Variants in POLA1 observed in about 807,000 individuals in gnomAD.
POLA1 encodes DNA polymerase alpha 1, catalytic subunit, also known as DNA polymerase alpha catalytic subunit.
A neutral mutation model predicts 124.0 loss-of-function variants in POLA1; 15 were observed. The ratio of observed to expected loss-of-function variants is 0.12; its 90% confidence interval spans 0.08 to 0.19. The LOEUF (loss-of-function observed/expected upper bound fraction) is 0.19, where lower values mean the gene tolerates loss of function less well. Among genes scored for constraint, POLA1 ranks in the 10% least tolerant of loss-of-function variants. The probability of loss-of-function intolerance (pLI) is 1.00; values close to 1 mark genes in which losing one functional copy is unlikely to be tolerated. For missense variants in POLA1, 886 were observed against 1,103.4 expected (o/e 0.80, Z 2.79); for synonymous variants, 408 against 389.4 (o/e 1.05, Z -0.56).
intron 35 of POLA1, among the ~76,000 whole-genome samples, chrX:24,909,589 G>A (rs12393582): frequency 0.41 from 44,620 of 107,922 alleles, 7,978 homozygotes; most frequent in Non-Finnish European, 0.53. Flanking sequence ...TGTTCCATTG[G>A]TCTATATCTC....
chrX:24,767,088 C>A (rs1306659496), intron 26 of POLA1, among the ~76,000 whole-genome samples: 1 of 111,511 alleles, frequency 9.0e-6, no homozygotes, highest in African/African-American at 3.3e-5. Context: ...TTCACGGGAA[C>A]AAACGGATTT....
At position 24,727,785 on chromosome X, in the gene POLA1, T is replaced by G; in HGVS notation, c.1535T>G (p.Leu512Arg). The G allele has an allele frequency of 1.7e-6, 2 of 1,205,542 alleles. No individual in the cohort carries two copies. Among genetic ancestry groups the G allele is most frequent in the African/African-American group, 3.5e-5 (2 of 57,837 alleles). The change falls in exon 15 of 37, where the codon CTC (leucine) becomes CGC (arginine). Residue 512 changes from leucine (L) to arginine (R), a missense_variant. Leu to Arg is a moderately radical substitution (Grantham distance 102). Around this residue, in one of 7 missense-constraint regions of POLA1, gnomAD observed 337 missense variants for 402.8 expected, o/e 0.84. Transcript: ENST00000379068. ...TGTTGTATCTATTCTCTTTCAGAGC[T>G]CTTGAATCAGCCAGTCAGTTGGTGT... ...PCWLEVKSPQLLNQPVSWCKV... is the reference protein window; with the variant it reads ...PCWLEVKSPQRLNQPVSWCKV...
intron 36 of POLA1, among the ~76,000 whole-genome samples, chrX:24,989,965 G>A (rs369464322): frequency 3.0e-4 from 34 of 111,897 alleles, no homozygotes; most frequent in African/African-American, 1.0e-3. Context: ...CCAGAACAGA[G>A]TTCTGGCAGT....
intron 4 of POLA1, among the ~76,000 whole-genome samples, chrX:24,710,956 G>A (rs1307186278): frequency 2.7e-5 from 3 of 110,799 alleles, no homozygotes; most frequent in Non-Finnish European, 3.8e-5. Context: ...GAGCCACCGC[G>A]CTGGCATGTA....
chrX:24,966,715 T>A (rs1330252132), intron 36 of POLA1, among the ~76,000 whole-genome samples: 2 of 111,783 alleles, frequency 1.8e-5, no homozygotes, highest in African/African-American at 6.5e-5. Flanking sequence ...TAAAGGATGG[T>A]CTCCAAAAAG....
chrX:24,943,840 A>G (rs1369908606), intron 36 of POLA1, among the ~76,000 whole-genome samples: 1 of 112,284 alleles, frequency 8.9e-6, no homozygotes, highest in African/African-American at 3.2e-5. Flanking sequence ...AGGTTCTGCT[A>G]TTCCTTGTTG....
intron 36 of POLA1, among the ~76,000 whole-genome samples, chrX:24,988,333 A>C (rs1459735934): frequency 8.9e-6 from 1 of 112,752 alleles, no homozygotes; most frequent in Non-Finnish European, 1.9e-5. Context: ...CTAATCCGTC[A>C]GCCTGTGCAT....
chrX:24,816,173 G>T (rs763847501), intron 30 of POLA1, among the ~76,000 whole-genome samples: 2 of 112,164 alleles, frequency 1.8e-5, no homozygotes, highest in Non-Finnish European at 3.8e-5. Flanking sequence ...TGAGTCAAAA[G>T]ATGTGAATAT....
intron 36 of POLA1, among the ~76,000 whole-genome samples, chrX:24,942,462 G>A (rs2047918054): frequency 8.9e-6 from 1 of 111,981 alleles, no homozygotes; most frequent in Non-Finnish European, 1.9e-5. Flanking sequence ...GATTTCCTGA[G>A]TTGGGCCTTA....
chrX:24,720,763 C>T (rs1436600513), intron 10 of POLA1, among the ~76,000 whole-genome samples: 2 of 112,470 alleles, frequency 1.8e-5, no homozygotes, highest in Non-Finnish European at 3.8e-5. Context: ...GTAAACAGAG[C>T]ATTGTTTTGC....
chrX:24,870,286 G>T (rs1327094075), intron 34 of POLA1, among the ~76,000 whole-genome samples: 2 of 112,091 alleles, frequency 1.8e-5, no homozygotes, highest in Non-Finnish European at 1.9e-5. Context: ...ACCACTTGAA[G>T]CACCCGGCTT....
intron 35 of POLA1, among the ~76,000 whole-genome samples, chrX:24,896,581 T>C (rs1330953304): frequency 8.9e-6 from 1 of 112,173 alleles, no homozygotes; most frequent in East Asian, 2.8e-4. Context: ...CTTCTTCCAA[T>C]ATGGCTCAGG....
chrX:24,952,211 G>C (rs759919418), intron 36 of POLA1, among the ~76,000 whole-genome samples: 31 of 112,078 alleles, frequency 2.8e-4, no homozygotes, highest in Non-Finnish European at 5.1e-4. Flanking sequence ...TATTTTTGCT[G>C]TTTTCCCTTA....
intron 34 of POLA1, among the ~76,000 whole-genome samples, chrX:24,861,824 C>T (rs1447957761): frequency 3.6e-5 from 4 of 112,057 alleles, no homozygotes; most frequent in Non-Finnish European, 5.6e-5. Flanking sequence ...TTTATGAAAA[C>T]GGGTTCTAAG....
chrX:24,953,113 G>C (rs779355924), intron 36 of POLA1, among the ~76,000 whole-genome samples: 4 of 111,731 alleles, frequency 3.6e-5, no homozygotes, highest in Non-Finnish European at 7.5e-5. Context: ...TTATTTTCTA[G>C]GACAGTAAAT....
At chrX:24,733,937 C>A in intron 17 of POLA1, 121 bp downstream of exon 17, 1 of 417,841 alleles carries the variant, frequency 2.4e-6, no homozygotes, top group Non-Finnish European at 4.3e-6. Context: ...CCAGATTGGA[C>A]TATGACATCG....
At chrX:24,983,236 A>G (rs1268884797) in intron 36 of POLA1, among the ~76,000 whole-genome samples, 1 of 112,288 alleles carries the variant, frequency 8.9e-6, no homozygotes, top group Non-Finnish European at 1.9e-5. Flanking sequence ...GTAGGCACTC[A>G]GTAAATATTT....
At chrX:24,854,612 C>T (rs1357918575) in intron 34 of POLA1, among the ~76,000 whole-genome samples, 1 of 111,304 alleles carries the variant, frequency 9.0e-6, no homozygotes, top group Non-Finnish European at 1.9e-5. Flanking sequence ...GGCGGATCAC[C>T]TCACGTCAGG....
rs1930520061 is a variant in POLA1, at chrX:24,726,053, T to G, written c.1390T>G (p.Ser464Ala). ...EKSEYLEVKY[S>A]AEMPQLPQDL... The stretch of plus-strand genomic sequence containing the variant: ...ATCTGAGTACTTGGAAGTTAAATAC[T>G]CGGTAAGTCAAACAAAGAAAATTAC... Residue 464 changes from serine (S) to alanine (A), a missense_variant and splice_region_variant, in exon 13 of 37, where the codon TCG (serine) becomes GCG (alanine). Around this residue, in one of 7 missense-constraint regions of POLA1, gnomAD observed 337 missense variants for 402.8 expected, o/e 0.84. Transcript: ENST00000379068. The G allele has an allele frequency of 1.8e-6, 2 of 1,111,984 alleles. No individual in the cohort carries two copies. Among genetic ancestry groups the G allele is most frequent in the African/African-American group, 3.6e-5 (2 of 55,102 alleles). 91.6% of individuals were successfully genotyped at this position (1,111,984 alleles called of 1,213,427 possible).
Sources: allele counts gnomAD v4.1 joint callset (sites outside exome capture counted in the v4.1 genomes callset), GRCh38; gene constraint gnomAD v4.1.1; regional missense constraint gnomAD v4.1.1; transcripts MANE v1.5; gene names NCBI Gene and HGNC (gene_info 2026-07-23, HGNC 2026-07-21).